Variants in WDR59 observed in about 807,000 individuals in gnomAD.
The protein encoded by WDR59 is WD repeat domain 59, also known as GATOR2 complex protein WDR59.
In WDR59, 100 loss-of-function variants were observed where a neutral mutation model predicts 131.2. That is an observed-to-expected ratio of 0.76 (90% CI 0.65 to 0.90). The LOEUF is 0.90. WDR59 is among the 40% of genes least tolerant of loss of function. The pLI, the probability that WDR59 is intolerant of heterozygous loss-of-function variation, is 0.00. For synonymous variants in WDR59, 601 were observed against 466.2 expected (o/e 1.29, Z -3.72); for missense variants, 1,203 against 1,262.2 (o/e 0.95, Z 0.71).
intron 8 of WDR59, 59 bp downstream of exon 8, chr16:74,938,091 A>G: frequency 1.7e-6 from 2 of 1,206,148 alleles, no homozygotes; most frequent in South Asian, 3.5e-5. Flanking sequence ...AGGTGGAATC[A>G]TACATCCCTG....
At chr16:74,949,330 CAAAAAAAAA>C (rs550013099) in intron 5 of WDR59, among the ~76,000 whole-genome samples, 277 of 42,612 alleles carry the variant, frequency 6.5e-3, no homozygotes, top group African/African-American at 0.017. Context: ...TACCTTGTCT[CAAAAAAAAA>C]AAAAAAAAAA....
chr16:74,947,362 G>A (rs986235445), intron 6 of WDR59, among the ~76,000 whole-genome samples: 1 of 151,970 alleles, frequency 6.6e-6, no homozygotes, highest in Non-Finnish European at 1.5e-5. Context: ...GGCAACAAGA[G>A]CAAAACTCTG....
In WDR59 at chr16:74,888,169, A is replaced by G. The variant is rs376425905; in HGVS notation, c.2346T>C (p.Tyr782=). 6 of 1,580,612 alleles carry G rather than the reference A, an allele frequency of 3.8e-6. No homozygotes were observed. Among genetic ancestry groups the G allele is most frequent in the African/African-American group, 2.8e-5 (2 of 72,502 alleles). The change falls in exon 22 of 26, where the codon TAT becomes TAC. Residue 782 remains tyrosine, a splice_region_variant and synonymous_variant. Transcript: ENST00000262144. ...CAAAACCAGAAAAGGACAAACTTAC[A>G]TATCGACTATGGGACACCACAAGAT... ...SSNLVVSHSR[Y]PSFTSSGSCS...
chr16:74,894,024 A>G (rs1490467532), intron 18 of WDR59: 1 of 511,574 alleles, frequency 2.0e-6, no homozygotes, highest in Non-Finnish European at 3.4e-6. Context: ...CTGCCAGGCT[A>G]GATACATTCT....
At chr16:74,888,957 T>C (rs1411156135) in intron 21 of WDR59, among the ~76,000 whole-genome samples, 2 of 152,254 alleles carry the variant, frequency 1.3e-5, no homozygotes, top group Non-Finnish European at 2.9e-5. Flanking sequence ...AATATTAATG[T>C]CCTCCTATCA....
intron 25 of WDR59, among the ~76,000 whole-genome samples, 169 bp downstream of exon 25, chr16:74,885,484 G>A (rs1167647306): frequency 1.4e-5 from 2 of 139,990 alleles, no homozygotes; most frequent in African/African-American, 2.6e-5. Context: ...AATTCATCCT[G>A]TTACGAAATG....
chr16:74,943,067 A>G (rs757415343), intron 6 of WDR59, among the ~76,000 whole-genome samples: 4 of 152,318 alleles, frequency 2.6e-5, no homozygotes, highest in Middle Eastern at 3.4e-3. Flanking sequence ...GAAAAAATCT[A>G]CAGGTCACTC....
At chr16:74,956,066 GGA>G (rs1483371590) in intron 3 of WDR59, among the ~76,000 whole-genome samples, 1 of 152,026 alleles carries the variant, frequency 6.6e-6, no homozygotes, top group Non-Finnish European at 1.5e-5. Flanking sequence ...AAGGGTAGGG[GGA>G]GTCTTCTGAT....
At chr16:74,915,423 T>A (rs988588524) in intron 13 of WDR59, 3 of 151,380 alleles carry the variant, frequency 2.0e-5, no homozygotes, top group East Asian at 1.9e-4. Flanking sequence ...TATTTATTTA[T>A]TTAATTATTT....
chr16:74,958,221 G>A (rs960878631), intron 2 of WDR59, among the ~76,000 whole-genome samples: 3 of 151,752 alleles, frequency 2.0e-5, no homozygotes, highest in Non-Finnish European at 2.9e-5. Context: ...GAGTAAAGAA[G>A]ACAAAAAACC....
chr16:74,965,836 C>T lies in WDR59; in HGVS notation c.55-14G>A. ...CATCGCAGTTGCCTGAGAGAGAGAACACAGAGTCAGTGCTGCCAGCAAACC... is the reference window on the plus strand; with the variant it reads ...CATCGCAGTTGCCTGAGAGAGAGAATACAGAGTCAGTGCTGCCAGCAAACC... On this transcript the variant is annotated splice_polypyrimidine_tract_variant and intron_variant, in intron 1 of 25. Coordinates refer to ENST00000262144, the MANE Select transcript of WDR59 (RefSeq NM_030581.4). 2 of 1,614,080 alleles carry T rather than the reference C, an allele frequency of 1.2e-6. No homozygotes were observed. The highest frequency in any genetic ancestry group is 1.7e-6 in the Non-Finnish European group (2 of 1,179,988).
intron 21 of WDR59, among the ~76,000 whole-genome samples, chr16:74,889,015 C>T (rs1964911379): frequency 6.6e-6 from 1 of 152,216 alleles, no homozygotes; most frequent in Non-Finnish European, 1.5e-5. Context: ...TTATTTGAGT[C>T]TTACACGAAA....
chr16:74,953,415 A>G (rs1361123541), intron 3 of WDR59, among the ~76,000 whole-genome samples: 1 of 151,278 alleles, frequency 6.6e-6, no homozygotes, highest in Non-Finnish European at 1.5e-5. Context: ...AGAGGCTGCA[A>G]TGAACTGAGA....
chr16:74,879,459 C>T lies in WDR59; in HGVS notation c.2690-5015G>A, dbSNP rs368860152. On this transcript the variant is annotated intron_variant, in intron 25 of 25. Coordinates refer to ENST00000262144, the MANE Select transcript of WDR59 (RefSeq NM_030581.4). ...TCAGGATTTCTAGGACTTTTTGGTT[C>T]AGAAGCAGATGACTTCAGTCAAAGT... Among the ~76,000 whole-genome samples, 16 of 152,294 alleles carry T rather than the reference C, an allele frequency of 1.1e-4. No homozygotes were observed. The South Asian group carries it at 1.9e-3, about 18-fold the overall frequency.
chr16:74,908,921 C>T lies in WDR59; in HGVS notation c.1699G>A (p.Glu567Lys). The change falls in exon 17 of 26, where the codon GAG becomes AAG. Residue 567 changes from glutamate to lysine, a missense_variant. Physicochemically the swap from Glu to Lys is moderately conservative, Grantham distance 56. Coordinates refer to ENST00000262144, the MANE Select transcript of WDR59 (RefSeq NM_030581.4). ...MTMHRAVSPT[E>K]PTPRSLSALS... ...TCCCTGACTCACCTCGGAGTAGGCTCTGTGGGAGACACCGCCCGATGCATT... is the reference window on the plus strand; with the variant it reads ...TCCCTGACTCACCTCGGAGTAGGCTTTGTGGGAGACACCGCCCGATGCATT... 2 of 1,614,100 alleles carry T rather than the reference C, an allele frequency of 1.2e-6. No homozygotes were observed. Among genetic ancestry groups the T allele is most frequent in the Non-Finnish European group, 1.7e-6 (2 of 1,179,978 alleles).
intron 2 of WDR59, among the ~76,000 whole-genome samples, chr16:74,965,078 A>T (rs1163376444): frequency 6.6e-6 from 1 of 151,932 alleles, no homozygotes; most frequent in South Asian, 2.1e-4. Context: ...AAAAAAAAAA[A>T]ATTTTTTTTT....
chr16:74,887,236 T>TA (rs1407222417), intron 23 of WDR59, among the ~76,000 whole-genome samples: 1 of 152,000 alleles, frequency 6.6e-6, no homozygotes, highest in African/African-American at 2.4e-5. Flanking sequence ...AAGATCATTT[T>TA]AAAAACCTTT....
intron 8 of WDR59, among the ~76,000 whole-genome samples, chr16:74,928,672 C>T (rs1045124657): frequency 1.3e-5 from 2 of 151,996 alleles, no homozygotes; most frequent in African/African-American, 4.8e-5. Flanking sequence ...GAGGCCAAGG[C>T]GGGCAGATCA....
intron 8 of WDR59, among the ~76,000 whole-genome samples, chr16:74,936,284 T>C (rs1184230989): frequency 6.6e-6 from 1 of 152,060 alleles, no homozygotes; most frequent in Non-Finnish European, 1.5e-5. Flanking sequence ...GCTCTTCTGA[T>C]ATTTCTTTAT....
Sources: gnomAD v4.1 joint callset for allele counts (sites outside exome capture counted in the v4.1 genomes callset) on GRCh38, gnomAD v4.1.1 for gene constraint, MANE v1.5 for transcripts, NCBI Gene and HGNC (gene_info 2026-07-23, HGNC 2026-07-21) for gene names.